COL20A1: variants seen among roughly 807,000 people sequenced by gnomAD.
COL20A1 encodes the protein collagen type XX alpha 1 chain.
A neutral mutation model predicts 152.9 loss-of-function variants in COL20A1; 164 were observed. The ratio of observed to expected loss-of-function variants is 1.07; its 90% confidence interval spans 0.94 to 1.22. COL20A1 has a LOEUF of 1.22. COL20A1 is among the 50% of genes most tolerant of loss of function. The probability of loss-of-function intolerance (pLI) is 0.00; values close to 1 mark genes in which losing one functional copy is unlikely to be tolerated. For synonymous variants in COL20A1, 864 were observed against 756.0 expected (o/e 1.14, Z -2.34); for missense variants, 1,873 against 1,744.8 (o/e 1.07, Z -1.31).
intron 10 of COL20A1, 141 bp downstream of exon 10, chr20:63,310,056 A>G (rs1300684194): frequency 2.7e-5 from 23 of 853,534 alleles, no homozygotes; most frequent in Middle Eastern, 2.8e-4. Context: ...CTGACAGCCC[A>G]GGGACTCACT....
In COL20A1 at chr20:63,310,511, G is replaced by C; in HGVS notation, c.1393+1G>C. ...GGCCTGCGGGGCCTGGTGACCACAG[G>C]TAGGTGGGGCAGAGGCAGCGGCCAG... On this transcript the variant is annotated splice_donor_variant, in intron 11 of 35. Coordinates refer to ENST00000358894, the MANE Select transcript of COL20A1 (RefSeq NM_020882.4). LOFTEE classifies it high-confidence loss of function. 1.3e-6 allele frequency: 2 copies of C among 1,592,124 alleles called. No homozygotes were observed. Among genetic ancestry groups the C allele is most frequent in the Non-Finnish European group, 1.7e-6 (2 of 1,169,808 alleles).
chr20:63,301,319 A>C (rs1811791426), intron 3 of COL20A1, among the ~76,000 whole-genome samples: 1 of 152,240 alleles, frequency 6.6e-6, no homozygotes, highest in Admixed American at 6.5e-5. Context: ...CGTCTCAAAA[A>C]AAAAGTACCT....
intron 20 of COL20A1, among the ~76,000 whole-genome samples, chr20:63,315,766 T>C (rs1443118007): frequency 1.3e-5 from 2 of 152,124 alleles, no homozygotes; most frequent in Non-Finnish European, 2.9e-5. Context: ...CCCGGGGTTC[T>C]CATTCGAGTT....
In COL20A1 at chr20:63,312,035, GA is replaced by G. The variant is rs1002242942; in HGVS notation, c.1784del (p.Glu595GlyfsTer44). The stretch of plus-strand genomic sequence containing the variant: ...GGTCAGGGTCACCTATGTGTCCAGC[GA>G]GGGTGGACACTCGGGGCAGGTGAGA... Reference protein sequence around the residue: ...RLVRVTYVSSEGGHSGQTEAP... With the variant: ...RLVRVTYVSSXGGHSGQTEAP... On this transcript the variant is annotated frameshift_variant, in exon 14 of 36. Coordinates refer to ENST00000358894, the MANE Select transcript of COL20A1 (RefSeq NM_020882.4). LOFTEE classifies it high-confidence loss of function. 2 of 1,591,914 alleles carry G rather than the reference GA, an allele frequency of 1.3e-6. No homozygotes were observed. Among genetic ancestry groups the G allele is most frequent in the African/African-American group, 2.7e-5 (2 of 74,100 alleles).
At chr20:63,328,009 G>A in intron 32 of COL20A1, 22 bp downstream of exon 32, 2 of 1,611,506 alleles carry the variant, frequency 1.2e-6, no homozygotes, top group Non-Finnish European at 1.7e-6. Flanking sequence ...TGAGATCTTT[G>A]GCTCACTTGG....
At position 63,307,629 on chromosome 20, in the gene COL20A1, G is replaced by T. The variant is rs553552637; in HGVS notation, c.636G>T (p.Gly212=). The change falls in exon 6 of 36, where the codon GGG becomes GGT. Residue 212 remains glycine, a synonymous_variant. Coordinates refer to ENST00000358894, the MANE Select transcript of COL20A1 (RefSeq NM_020882.4). ...GTGTCATCGCACCCTTTGAAATCGG[G>T]CCGGATAAGGTCCAAGTAGGTGGGT... ...LASVIAPFEI[G]PDKVQVGLTQ... 1.9e-6 allele frequency: 3 copies of T among 1,612,456 alleles called. No individual in the cohort carries two copies. In the South Asian group the frequency reaches 3.3e-5, roughly 18 times the overall value.
Position 63,309,847 on chromosome 20 carries a change from C to G in COL20A1, c.1195C>G (p.Pro399Ala). 6.2e-7 allele frequency: 1 copy of G among 1,611,600 alleles called. No individual in the cohort carries two copies. ...CTCCAGCATCCGCCTGTCCTGGACT[C>G]CAGCCCCCCGGCACCCCCTCAAGTA... is the stretch of plus-strand genomic sequence containing the variant. ...TSSSIRLSWTPAPRHPLKYLI... is the reference protein window; with the variant it reads ...TSSSIRLSWTAAPRHPLKYLI... The change falls in exon 10 of 36, where the codon CCA becomes GCA. Residue 399 changes from proline (P) to alanine (A), a missense_variant. Pro to Ala is a conservative substitution (Grantham distance 27). Transcript: ENST00000358894.
At chr20:63,329,208 A>C in intron 34 of COL20A1, 1 of 225,878 alleles carries the variant, frequency 4.4e-6, no homozygotes, top group Non-Finnish European at 8.8e-6. Context: ...GGCTGTGGGA[A>C]CCCCTGCCCC....
Position 63,319,130 on chromosome 20 carries a change from C to T in COL20A1, c.2736C>T (p.Pro912=). 1.3e-5 allele frequency: 21 copies of T among 1,613,256 alleles called. No individual in the cohort carries two copies. The highest frequency in any genetic ancestry group is 1.8e-5 in the Non-Finnish European group (21 of 1,179,696). Residue 912 remains proline, a synonymous_variant, in exon 22 of 36, where the codon CCC becomes CCT. Transcript: ENST00000358894. The surrounding 1 kb of genome is among the most constrained non-coding windows in gnomAD (Gnocchi z 4.4). ...TTGTGCGCCTACTTCCCGAGACACC[C>T]CGTGAGGCCTTCGCGCTGTGGCAGA... ...VFLVRLLPET[P]REAFALWQMT...
At position 63,330,558 on chromosome 20, in the gene COL20A1, C is replaced by T. The variant is rs975042617; in HGVS notation, c.*4-162C>T. Among the ~76,000 whole-genome samples, 6 of 152,180 alleles carry T rather than the reference C, an allele frequency of 3.9e-5. No individual in the cohort carries two copies. In the South Asian group the frequency reaches 8.3e-4, roughly 21 times the overall value. ...CCCTGCCCGCAATCCTGCCCACTTACGGCCCTGCCCATGGCTCTGCCCACT... is the reference window on the plus strand; with the variant it reads ...CCCTGCCCGCAATCCTGCCCACTTATGGCCCTGCCCATGGCTCTGCCCACT... On this transcript the variant is annotated intron_variant, in intron 35 of 35. Coordinates refer to ENST00000358894, the MANE Select transcript of COL20A1 (RefSeq NM_020882.4).
Position 63,311,412 on chromosome 20 carries a change from G to T in COL20A1, c.1412G>T (p.Arg471Leu). The change falls in exon 12 of 36, where the codon CGG (arginine) becomes CTG (leucine). Residue 471 changes from arginine (R) to leucine (L), a missense_variant. By Grantham distance (102) the Arg-to-Leu change is moderately radical. Coordinates refer to ENST00000358894, the MANE Select transcript of COL20A1 (RefSeq NM_020882.4). The surrounding 1 kb of genome is among the most constrained non-coding windows in gnomAD (Gnocchi z 4.4). ...LVTTAPLPPPRALTLAAVTPR... is the reference protein window; with the variant it reads ...LVTTAPLPPPLALTLAAVTPR... Reference sequence around the variant, plus strand: ...CCCCCAGCACCTCTGCCTCCGCCCCGGGCGCTGACCCTGGCCGCAGTGACG... The same window carrying T: ...CCCCCAGCACCTCTGCCTCCGCCCCTGGCGCTGACCCTGGCCGCAGTGACG... 6.3e-7 allele frequency: 1 copy of T among 1,581,694 alleles called. No individual in the cohort carries two copies. Among genetic ancestry groups the T allele is most frequent in the East Asian group, 2.3e-5 (1 of 43,218 alleles).
At position 63,331,916 on chromosome 20, in the gene COL20A1, C is replaced by T. The variant is rs1362382096; in HGVS notation, c.*1200C>T. 2.0e-5 allele frequency: 3 copies of T among 152,174 alleles called. No individual in the cohort carries two copies. Among genetic ancestry groups the T allele is most frequent in the African/African-American group, 7.2e-5 (3 of 41,404 alleles). 9.4% of individuals were successfully genotyped at this position (152,174 alleles called of 1,614,324 possible). A position where few individuals can be genotyped will look rare whatever the true frequency, so the allele number is the denominator to read the frequency against. On this transcript the variant is annotated 3_prime_UTR_variant, in exon 36 of 36. Coordinates refer to ENST00000358894, the MANE Select transcript of COL20A1 (RefSeq NM_020882.4). ...GAGCGCAAAACAGCTTCAGGGCAAA[C>T]ACTTCATCTATGATTCAACTGTTCC...
chr20:63,312,103 G>T (rs1359268783), intron 14 of COL20A1, 48 bp downstream of exon 14: 1 of 1,501,546 alleles, frequency 6.7e-7, no homozygotes. Context: ...GGGACCACAG[G>T]GCCCTGTCTG....
chr20:63,300,901 A>G (rs2067855369), intron 3 of COL20A1, among the ~76,000 whole-genome samples: 1 of 152,226 alleles, frequency 6.6e-6, no homozygotes, highest in African/African-American at 2.4e-5. Context: ...CCCATAGGCT[A>G]CTTAGAAGTG....
intron 30 of COL20A1, 67 bp downstream of exon 30, chr20:63,326,216 G>C: frequency 7.5e-7 from 1 of 1,330,318 alleles, no homozygotes; most frequent in Non-Finnish European, 1.1e-6. Flanking sequence ...GTCAGGCAGA[G>C]GCCAGTCTGA....
At chr20:63,294,168 A>G (rs1215969138) in intron 1 of COL20A1, among the ~76,000 whole-genome samples, 1 of 318 alleles carries the variant, frequency 3.1e-3, no homozygotes, top group Admixed American at 0.017. Context: ...GGGGGAGGGG[A>G]GTGCGGGGGA....
Position 63,332,766 on chromosome 20 carries a change from C to T in COL20A1, c.*2050C>T, listed in dbSNP as rs2068348834. On this transcript the variant is annotated 3_prime_UTR_variant, in exon 36 of 36. Transcript: ENST00000358894. ...GGGAAACTGACTTTATGCTGGAGGC[C>T]AATTAAAATGGCACAGCAAAGGCAG... 6.6e-6 allele frequency: 1 copy of T among 152,278 alleles called. No homozygotes were observed. The highest frequency in any genetic ancestry group is 1.5e-5 in the Non-Finnish European group (1 of 68,090). The allele number at this position is 152,278 out of a possible 1,614,324, so 9.4% of individuals were successfully genotyped here.
chr20:63,307,234 C>T (rs1003428089), intron 5 of COL20A1, among the ~76,000 whole-genome samples: 10 of 152,208 alleles, frequency 6.6e-5, no homozygotes, highest in East Asian at 3.9e-4. Context: ...GATGTCTGGG[C>T]GGGCAGCTGC....
intron 8 of COL20A1, 44 bp from the exon 9 acceptor site, chr20:63,309,289 G>A (rs771745626): frequency 1.4e-5 from 19 of 1,374,660 alleles, no homozygotes; most frequent in Non-Finnish European, 1.7e-5. Flanking sequence ...GCCCCGTCGG[G>A]TGACCCCAGT....
Sources: gnomAD v4.1 joint callset for allele counts (sites outside exome capture counted in the v4.1 genomes callset) on GRCh38, gnomAD v4.1.1 for gene constraint, Gnocchi (gnomAD v3.1) non-coding constraint, MANE v1.5 for transcripts, NCBI Gene and HGNC (gene_info 2026-07-23, HGNC 2026-07-21) for gene names.